The following FUBP3 variants were observed in gnomAD, a reference collection of about 807,000 sequenced individuals.
FUBP3 encodes far upstream element binding protein 3.
A neutral mutation model predicts 85.6 loss-of-function variants in FUBP3; 28 were observed. The observed-to-expected ratio is 0.33, with a 90% confidence interval of 0.24 to 0.45. The LOEUF (loss-of-function observed/expected upper bound fraction) is 0.45, where lower values mean the gene tolerates loss of function less well. FUBP3 is among the 20% of genes least tolerant of loss of function. The pLI is 1.00. For missense variants in FUBP3, 583 were observed against 755.1 expected (o/e 0.77, Z 2.67); for synonymous variants, 271 against 271.4 (o/e 1.00, Z 0.01).
At chr9:130,581,649 C>T (rs1438075834) in intron 1 of FUBP3, 3 of 152,192 alleles carry the variant, frequency 2.0e-5, no homozygotes, top group Admixed American at 2.0e-4. Context: ...GGTGATAGTT[C>T]TGTTTCTTTG....
chr9:130,598,458 G>A (rs192158991), intron 2 of FUBP3, among the ~76,000 whole-genome samples: 99 of 152,342 alleles, frequency 6.5e-4, no homozygotes, highest in Non-Finnish European at 1.1e-3. Context: ...CTGTCCGTTA[G>A]TGAGGTGTGT....
rs73549934 is a variant in FUBP3 at position 130,635,013 on chromosome 9, G to A, written c.1582+275G>A. ...GGGCTCCAAAGGACTTGAGGTGGGC[G>A]TGGCACCTGGAAGTGTGGGCTCAGC... On this transcript the variant is annotated intron_variant, in intron 17 of 18. Coordinates refer to ENST00000319725, the MANE Select transcript of FUBP3 (RefSeq NM_003934.2). The surrounding 1 kb of genome is among the most constrained non-coding windows in gnomAD (Gnocchi z 4.3). 1.3e-3 allele frequency among the ~76,000 whole-genome samples: 201 copies of A among 152,236 alleles called. No individual in the cohort carries two copies. The highest frequency in any genetic ancestry group is 3.4e-3 in the Middle Eastern group (1 of 294).
At chr9:130,625,368 A>T (rs964823071) in intron 11 of FUBP3, among the ~76,000 whole-genome samples, 1 of 152,232 alleles carries the variant, frequency 6.6e-6, no homozygotes, top group Non-Finnish European at 1.5e-5. Flanking sequence ...CAGTTGTCTC[A>T]TAAGAGCAGA....
chr9:130,593,150 C>T (rs58938644), intron 1 of FUBP3, among the ~76,000 whole-genome samples: 22,822 of 152,182 alleles, frequency 0.15, 1,886 homozygotes, highest in Admixed American at 0.21. Flanking sequence ...AGATGTCACT[C>T]CTCACAATGG....
Position 130,612,861 on chromosome 9 carries a change from C to A in FUBP3, c.275-95C>A. ...CCAACTCGATGTGTAGTATTGTGAG[C>A]CAAGTGTCACAGTTTGTGGAATTAA... On this transcript the variant is annotated intron_variant, in intron 4 of 18. Transcript: ENST00000319725. This position sits in a 1 kb window ranked among gnomAD's most constrained non-coding sequence, Gnocchi z 4.1. 1.2e-6 allele frequency: 1 copy of A among 864,784 alleles called. No homozygotes were observed. Among genetic ancestry groups the A allele is most frequent in the Non-Finnish European group, 2.0e-6 (1 of 511,992 alleles). 53.6% of individuals were successfully genotyped at this position (864,784 alleles called of 1,614,324 possible). A position where few individuals can be genotyped will look rare whatever the true frequency, so the allele number is the denominator to read the frequency against.
At chr9:130,625,597 C>T (rs902339400) in intron 11 of FUBP3, among the ~76,000 whole-genome samples, 1 of 152,232 alleles carries the variant, frequency 6.6e-6, no homozygotes, top group Non-Finnish European at 1.5e-5. Context: ...TCCAAAATGA[C>T]TCCGCGGACA....
At chr9:130,582,992 C>G (rs1310253249) in intron 1 of FUBP3, among the ~76,000 whole-genome samples, 1 of 152,222 alleles carries the variant, frequency 6.6e-6, no homozygotes, top group Non-Finnish European at 1.5e-5. Flanking sequence ...TAGACCCACT[C>G]AATGCCTCTG....
At chr9:130,631,174 A>G (rs1830194077) in intron 13 of FUBP3, 3 of 1,162,056 alleles carry the variant, frequency 2.6e-6, no homozygotes, top group South Asian at 3.4e-5. Flanking sequence ...CAGGCACCTC[A>G]AGGCAGATAA....
At chr9:130,588,697 A>G (rs7466269) in intron 1 of FUBP3, among the ~76,000 whole-genome samples, 50,196 of 152,072 alleles carry the variant, frequency 0.33, 8,681 homozygotes, top group East Asian at 0.5. Context: ...TGACAATTAA[A>G]TGAGGGCACT....
At chr9:130,591,156 A>G (rs150005242) in intron 1 of FUBP3, among the ~76,000 whole-genome samples, 10 of 152,262 alleles carry the variant, frequency 6.6e-5, no homozygotes, top group South Asian at 2.1e-4. Context: ...TAAAATGGAA[A>G]TAATAAGGCC....
chr9:130,604,441 A>C (rs934892759), intron 2 of FUBP3, among the ~76,000 whole-genome samples: 3 of 152,244 alleles, frequency 2.0e-5, no homozygotes, highest in African/African-American at 7.2e-5. Flanking sequence ...AGAGTCTGAC[A>C]GATCAAGGTT....
rs756218583 is a variant in FUBP3, at chr9:130,579,773, G to T, written c.84+9G>T. On this transcript the variant is annotated intron_variant, in intron 1 of 18. Transcript: ENST00000319725. ...TGCACCGGGTCCGGCAGGTACGGGCGCAGCCGGCTGGCAGGAGCACGAGAT... is the reference window on the plus strand; with the variant it reads ...TGCACCGGGTCCGGCAGGTACGGGCTCAGCCGGCTGGCAGGAGCACGAGAT... 16 of 1,270,600 alleles carry T rather than the reference G, an allele frequency of 1.3e-5. No individual in the cohort carries two copies. In the Admixed American group the frequency reaches 5.3e-4, roughly 42 times the overall value. 78.7% of individuals were successfully genotyped at this position (1,270,600 alleles called of 1,614,324 possible). A position where few individuals can be genotyped will look rare whatever the true frequency, so the allele number is the denominator to read the frequency against.
At position 130,616,263 on chromosome 9, in the gene FUBP3, G is replaced by T; in HGVS notation, c.405-92G>T. 1 of 1,248,332 alleles carries T rather than the reference G, an allele frequency of 8.0e-7. No homozygotes were observed. The highest frequency in any genetic ancestry group is 1.1e-6 in the Non-Finnish European group (1 of 875,586). 77.3% of individuals were successfully genotyped at this position (1,248,332 alleles called of 1,614,324 possible). A position where few individuals can be genotyped will look rare whatever the true frequency, so the allele number is the denominator to read the frequency against. On this transcript the variant is annotated intron_variant, in intron 6 of 18. Coordinates refer to ENST00000319725, the MANE Select transcript of FUBP3 (RefSeq NM_003934.2). The surrounding 1 kb of genome is among the most constrained non-coding windows in gnomAD (Gnocchi z 4.7). ...TGGATGGAGGGCTGCCCTGACTCCC[G>T]CAGGTTTTTCCCTCAGTGCTATTTC...
At chr9:130,613,107 G>T in intron 5 of FUBP3, 80 bp downstream of exon 5, 3 of 860,898 alleles carry the variant, frequency 3.5e-6, no homozygotes, top group Admixed American at 3.8e-5. Flanking sequence ...TACTTTGCTT[G>T]TTGCTTGGGT....
chr9:130,611,585 A>T (rs1468492347), intron 3 of FUBP3, among the ~76,000 whole-genome samples: 2 of 151,710 alleles, frequency 1.3e-5, no homozygotes, highest in African/African-American at 4.8e-5. Flanking sequence ...ATATGCACTT[A>T]TTCAATCCTT....
chr9:130,633,687 C>T (rs1323705204), intron 16 of FUBP3, among the ~76,000 whole-genome samples: 3 of 152,316 alleles, frequency 2.0e-5, no homozygotes, highest in South Asian at 4.1e-4. Context: ...TGCTTGCCGG[C>T]GCCCTCCGCG....
intron 1 of FUBP3, among the ~76,000 whole-genome samples, chr9:130,594,977 A>G (rs1034165821): frequency 2.6e-5 from 4 of 151,218 alleles, no homozygotes; most frequent in Non-Finnish European, 4.4e-5. Flanking sequence ...CTATAATCCC[A>G]GCACTTTGAG....
chr9:130,593,155 C>T (rs902450224), intron 1 of FUBP3, among the ~76,000 whole-genome samples: 3 of 152,242 alleles, frequency 2.0e-5, no homozygotes, highest in Non-Finnish European at 4.4e-5. Context: ...TCACTCCTCA[C>T]AATGGCCTGC....
chr9:130,623,667 C>G lies in FUBP3; in HGVS notation c.931C>G (p.Gln311Glu), dbSNP rs1395159021. 1.2e-6 allele frequency: 2 copies of G among 1,613,840 alleles called. No individual in the cohort carries two copies. The highest frequency in any genetic ancestry group is 2.7e-5 in the African/African-American group (2 of 74,912). The change falls in exon 11 of 19, where the codon CAG (glutamine) becomes GAG (glutamate). Residue 311 changes from glutamine (Q) to glutamate (E), a missense_variant. By Grantham distance (29) the Gln-to-Glu change is conservative (BLOSUM62 2). Transcript: ENST00000319725. Reference sequence around the variant, plus strand: ...GGTCATGGGCCCTCCGGATCGGTGTCAGCATGCAGCGCATATCATCAGCGA... The same window carrying G: ...GGTCATGGGCCCTCCGGATCGGTGTGAGCATGCAGCGCATATCATCAGCGA... ...AQVMGPPDRC[Q>E]HAAHIISELI...
Sources: gnomAD v4.1 joint callset for allele counts (sites outside exome capture counted in the v4.1 genomes callset) on GRCh38, gnomAD v4.1.1 for gene constraint, Gnocchi (gnomAD v3.1) non-coding constraint, MANE v1.5 for transcripts, NCBI Gene and HGNC (gene_info 2026-07-23, HGNC 2026-07-21) for gene names.